KCNK12: variants seen among roughly 807,000 people sequenced by gnomAD.
KCNK12 encodes the protein potassium two pore domain channel subfamily K member 12.
In KCNK12, 6 loss-of-function variants were observed where a neutral mutation model predicts 25.3. The ratio of observed to expected loss-of-function variants is 0.24; its 90% CI spans 0.13 to 0.47. The LOEUF (loss-of-function observed/expected upper bound fraction) is 0.47. KCNK12 is among the 20% of genes least tolerant of loss of function. The pLI is 0.99. For missense variants in KCNK12, 444 were observed against 661.7 expected (o/e 0.67, Z 3.61); for synonymous variants, 331 against 311.1 (o/e 1.06, Z -0.67).
At position 47,560,516 on chromosome 2, in the gene KCNK12, C is replaced by G. The variant is rs1014137962; in HGVS notation, c.391+9425G>C. ...CCAGGCTGGGCTATGGTTCTTCCCC[C>G]TCTGTGGAACTGCACAATTCAGAGA... On this transcript the variant is annotated intron_variant, in intron 1 of 1. Transcript: ENST00000327876. This position sits in a 1 kb window ranked among gnomAD's most constrained non-coding sequence, Gnocchi z 4.7. Among the ~76,000 whole-genome samples the G allele has an allele frequency of 6.6e-6, 1 of 152,216 alleles. No individual in the cohort carries two copies. The highest frequency in any genetic ancestry group is 2.4e-5 in the African/African-American group (1 of 41,456).
chr2:47,561,665 A>G (rs1306393274), intron 1 of KCNK12, among the ~76,000 whole-genome samples: 1 of 152,186 alleles, frequency 6.6e-6, no homozygotes, highest in Admixed American at 6.5e-5. Flanking sequence ...CAGGCACTGC[A>G]CCCATGGGTT....
At chr2:47,563,914 C>T (rs545970807) in intron 1 of KCNK12, 7 of 232,390 alleles carry the variant, frequency 3.0e-5, no homozygotes, top group African/African-American at 1.3e-4. Context: ...TGGCTTGGCC[C>T]AGGAATAGCG....
intron 1 of KCNK12, among the ~76,000 whole-genome samples, chr2:47,542,919 C>A (rs1280394645): frequency 1.3e-5 from 2 of 152,154 alleles, no homozygotes; most frequent in Non-Finnish European, 2.9e-5. Flanking sequence ...AGTTCTTTTT[C>A]TTTTTCTTTA....
In KCNK12 at chr2:47,551,968, T is replaced by C. The variant is rs1023683161; in HGVS notation, c.391+17973A>G. ...GAGCTGGGCCTCCTCCTGAAGGGCC[T>C]GCATCACCTCCTTCCTTCTTGTTTG... On this transcript the variant is annotated intron_variant, in intron 1 of 1. Coordinates refer to ENST00000327876, the MANE Select transcript of KCNK12 (RefSeq NM_022055.2). This position sits in a 1 kb window ranked among gnomAD's most constrained non-coding sequence, Gnocchi z 5.3. 2.0e-5 allele frequency among the ~76,000 whole-genome samples: 3 copies of C among 152,114 alleles called. No homozygotes were observed. Among genetic ancestry groups the C allele is most frequent in the South Asian group, 2.1e-4 (1 of 4,816 alleles).
In KCNK12 at chr2:47,566,186, T is replaced by A. The variant is rs1004371920; in HGVS notation, c.391+3755A>T. The stretch of plus-strand genomic sequence containing the variant: ...AATTTTCCACTGGTACCGCACTGTG[T>A]AGACACACGTGTATCTACACGATTG... On this transcript the variant is annotated intron_variant, in intron 1 of 1. Transcript: ENST00000327876. This position sits in a 1 kb window ranked among gnomAD's most constrained non-coding sequence, Gnocchi z 4.1. 2 of 152,124 alleles carry A rather than the reference T, an allele frequency of 1.3e-5. No homozygotes were observed. Among genetic ancestry groups the A allele is most frequent in the Admixed American group, 1.3e-4 (2 of 15,284 alleles). 9.4% of individuals were successfully genotyped at this position (152,124 alleles called of 1,614,324 possible).
chr2:47,512,282 C>T lies in KCNK12; in HGVS notation c.*8625G>A. On this transcript the variant is annotated 3_prime_UTR_variant, in exon 2 of 2. Coordinates refer to ENST00000327876, the MANE Select transcript of KCNK12 (RefSeq NM_022055.2). The stretch of plus-strand genomic sequence containing the variant: ...CCCCGTGGAACTCCTACATTTTCTC[C>T]TCTCTTCTCCTTCCTTTCAGAACCT... 1 of 1,611,192 alleles carries T rather than the reference C, an allele frequency of 6.2e-7. No individual in the cohort carries two copies. The highest frequency in any genetic ancestry group is 8.5e-7 in the Non-Finnish European group (1 of 1,179,310).
intron 1 of KCNK12, among the ~76,000 whole-genome samples, chr2:47,522,194 T>A: frequency 6.6e-6 from 1 of 151,992 alleles, no homozygotes. Flanking sequence ...CTCCTCCAAA[T>A]TTTTTTTTAA....
At position 47,519,406 on chromosome 2, in the gene KCNK12, C is replaced by G. The variant is rs1668597075; in HGVS notation, c.*1501G>C. ...TGAGGCGGTGCTTTTCTAAGACTTCCTATCAGAAGCTGTGCATACTGGTGG... is the reference window on the plus strand; with the variant it reads ...TGAGGCGGTGCTTTTCTAAGACTTCGTATCAGAAGCTGTGCATACTGGTGG... On this transcript the variant is annotated 3_prime_UTR_variant, in exon 2 of 2. Transcript: ENST00000327876. 6.6e-6 allele frequency: 1 copy of G among 152,192 alleles called. No individual in the cohort carries two copies. The highest frequency in any genetic ancestry group is 2.1e-4 in the South Asian group (1 of 4,834). 9.4% of individuals were successfully genotyped at this position (152,192 alleles called of 1,614,324 possible). A position where few individuals can be genotyped will look rare whatever the true frequency, so the allele number is the denominator to read the frequency against.
rs79123243 is a variant in KCNK12 at position 47,545,631 on chromosome 2, C to T, written c.392-23823G>A. ...ATCTCAGCTCTGTCACTTGCTGGCT[C>T]TTTGATCTGAGAAAGCCATTGAGCC... On this transcript the variant is annotated intron_variant, in intron 1 of 1. Transcript: ENST00000327876. Among the ~76,000 whole-genome samples the T allele has an allele frequency of 1.4e-3, 214 of 152,340 alleles. 3 individuals carry two copies. In the East Asian group the frequency reaches 0.026, roughly 19 times the overall value.
rs1669440224 is a variant in KCNK12 at position 47,551,842 on chromosome 2, T to C, written c.391+18099A>G. On this transcript the variant is annotated intron_variant, in intron 1 of 1. Coordinates refer to ENST00000327876, the MANE Select transcript of KCNK12 (RefSeq NM_022055.2). This position sits in a 1 kb window ranked among gnomAD's most constrained non-coding sequence, Gnocchi z 5.3. The stretch of plus-strand genomic sequence containing the variant: ...ACTACATGGAGTTCTGAATGACATG[T>C]GTCTCACTACAGTGGCATTACAGAG... 2.0e-5 allele frequency among the ~76,000 whole-genome samples: 3 copies of C among 152,206 alleles called. No individual in the cohort carries two copies. Among genetic ancestry groups the C allele is most frequent in the African/African-American group, 7.2e-5 (3 of 41,452 alleles).
intron 1 of KCNK12, among the ~76,000 whole-genome samples, chr2:47,534,024 A>G (rs1456868327): frequency 6.6e-6 from 1 of 151,822 alleles, no homozygotes; most frequent in African/African-American, 2.4e-5. Flanking sequence ...GACTTTCTTC[A>G]TTTGATGACA....
At chr2:47,553,153 T>C (rs546537181) in intron 1 of KCNK12, among the ~76,000 whole-genome samples, 185 of 152,370 alleles carry the variant, frequency 1.2e-3, no homozygotes, top group Non-Finnish European at 2.0e-3. Flanking sequence ...GTAGACCTCA[T>C]TGCAAGAGTA....
chr2:47,537,840 G>C (rs1251556520), intron 1 of KCNK12, among the ~76,000 whole-genome samples: 5 of 152,196 alleles, frequency 3.3e-5, no homozygotes. Context: ...AGATGTCAGG[G>C]GATTCCGGGA....
In KCNK12 at chr2:47,533,580, G is replaced by A. The variant is rs1414389879; in HGVS notation, c.392-11772C>T. Among the ~76,000 whole-genome samples, 2 of 152,172 alleles carry A rather than the reference G, an allele frequency of 1.3e-5. No homozygotes were observed. The highest frequency in any genetic ancestry group is 6.5e-5 in the Admixed American group (1 of 15,278). ...AGCCTGGCTCTACCATTGGCTCGCCGTTCTCCTACCTCGCTGGGCCTCCAT... is the reference window on the plus strand; with the variant it reads ...AGCCTGGCTCTACCATTGGCTCGCCATTCTCCTACCTCGCTGGGCCTCCAT... On this transcript the variant is annotated intron_variant, in intron 1 of 1. Transcript: ENST00000327876. The surrounding 1 kb of genome is among the most constrained non-coding windows in gnomAD (Gnocchi z 4.7).
rs1014268646 is a variant in KCNK12 at position 47,510,400 on chromosome 2, T to C, written c.*10507A>G. 1.3e-5 allele frequency: 2 copies of C among 152,206 alleles called. No homozygotes were observed. The highest frequency in any genetic ancestry group is 2.9e-5 in the Non-Finnish European group (2 of 68,020). 9.4% of individuals were successfully genotyped at this position (152,206 alleles called of 1,614,324 possible). On this transcript the variant is annotated 3_prime_UTR_variant, in exon 2 of 2. Transcript: ENST00000327876. ...TTTCTGTTCATTACAGTTGAATGCTTTCATAACTGATACAGGAGGGACCCT... is the reference window on the plus strand; with the variant it reads ...TTTCTGTTCATTACAGTTGAATGCTCTCATAACTGATACAGGAGGGACCCT...
chr2:47,521,880 GTGGGGGC>G, intron 1 of KCNK12, 72 bp from the exon 2 acceptor site: 1 of 1,131,932 alleles, frequency 8.8e-7, no homozygotes, highest in Non-Finnish European at 1.2e-6. Context: ...GGTGGGGGGT[GTGGGGGC>G]GGGGGCATGC....
chr2:47,567,351 T>C (rs1338079290), intron 1 of KCNK12, among the ~76,000 whole-genome samples: 1 of 152,226 alleles, frequency 6.6e-6, no homozygotes, highest in African/African-American at 2.4e-5. Context: ...TTTTGCTCCC[T>C]GATCTGTTGA....
chr2:47,565,060 G>T lies in KCNK12; in HGVS notation c.391+4881C>A, dbSNP rs1669763592. On this transcript the variant is annotated intron_variant, in intron 1 of 1. Coordinates refer to ENST00000327876, the MANE Select transcript of KCNK12 (RefSeq NM_022055.2). The surrounding 1 kb of genome is among the most constrained non-coding windows in gnomAD (Gnocchi z 5.0). Reference sequence around the variant, plus strand: ...TGTGTGCCTGTGATCCCAGCTTCTTGGGAGGCTGCGGTGGAAAGATTGCTT... The same window carrying T: ...TGTGTGCCTGTGATCCCAGCTTCTTTGGAGGCTGCGGTGGAAAGATTGCTT... 1 of 151,946 alleles carries T rather than the reference G, an allele frequency of 6.6e-6. No individual in the cohort carries two copies. The highest frequency in any genetic ancestry group is 1.5e-5 in the Non-Finnish European group (1 of 67,990). 9.4% of individuals were successfully genotyped at this position (151,946 alleles called of 1,614,324 possible).
chr2:47,564,260 CCAGA>C (rs1300818299), intron 1 of KCNK12: 7 of 230,342 alleles, frequency 3.0e-5, no homozygotes, highest in African/African-American at 1.1e-4. Context: ...TACAAAGAGA[CCAGA>C]CAGTCTCTCG....
Sources: gnomAD v4.1 joint callset for allele counts (sites outside exome capture counted in the v4.1 genomes callset) on GRCh38, gnomAD v4.1.1 for gene constraint, Gnocchi (gnomAD v3.1) non-coding constraint, MANE v1.5 for transcripts, NCBI Gene and HGNC (gene_info 2026-07-23, HGNC 2026-07-21) for gene names.